The following HACD2 variants were observed in gnomAD, a reference collection of about 807,000 sequenced individuals.
HACD2 encodes the protein 3-hydroxyacyl-CoA dehydratase 2.
Under a neutral mutation model 31.0 loss-of-function variants are expected in HACD2, and 15 were observed. That is an observed-to-expected ratio of 0.48 (90% confidence interval 0.32 to 0.75). The LOEUF is 0.75. Ranked by LOEUF, HACD2 falls within the 30% of genes least tolerant of loss-of-function variation. The probability of loss-of-function intolerance (pLI) is 0.03; values close to 1 mark genes in which losing one functional copy is unlikely to be tolerated. For synonymous variants in HACD2, 115 were observed against 122.2 expected (o/e 0.94, Z 0.39); for missense variants, 283 against 313.0 (o/e 0.90, Z 0.72).
At chr3:123,495,227 C>T (rs1039205953) in intron 6 of HACD2, among the ~76,000 whole-genome samples, 5 of 152,306 alleles carry the variant, frequency 3.3e-5, no homozygotes, top group Admixed American at 1.3e-4. Context: ...TGACCTATAT[C>T]GATGCCACAG....
At chr3:123,583,518 A>C (rs937180163) in intron 1 of HACD2, among the ~76,000 whole-genome samples, 1 of 152,202 alleles carries the variant, frequency 6.6e-6, no homozygotes, top group Non-Finnish European at 1.5e-5. Context: ...AGTCAAGAGA[A>C]ATGATTTCTA....
rs1443991902 is a variant in HACD2, at chr3:123,518,325, ATC to A, written c.381+10059_381+10060del. On this transcript the variant is annotated intron_variant, in intron 4 of 6. Transcript: ENST00000383657. ...TTTGCACTACTGAATCTGTCTGGCA[ATC>A]TCTAGCTGAGCTGCACACTGACTGC... 2.6e-5 allele frequency among the ~76,000 whole-genome samples: 4 copies of A among 152,144 alleles called. No homozygotes were observed. The East Asian group carries it at 5.8e-4, about 22-fold the overall frequency.
At chr3:123,533,554 C>A (rs1226951941) in intron 3 of HACD2, among the ~76,000 whole-genome samples, 1 of 152,210 alleles carries the variant, frequency 6.6e-6, no homozygotes, top group Non-Finnish European at 1.5e-5. Flanking sequence ...ACCAAAACTA[C>A]AGATATTTTT....
intron 4 of HACD2, among the ~76,000 whole-genome samples, chr3:123,512,773 T>C (rs934409822): frequency 6.6e-6 from 1 of 152,186 alleles, no homozygotes; most frequent in African/African-American, 2.4e-5. Context: ...TATGAACCCA[T>C]GATTTATATA....
chr3:123,511,360 C>CACACACAT (rs1176374161), intron 4 of HACD2, among the ~76,000 whole-genome samples: 1 of 152,130 alleles, frequency 6.6e-6, no homozygotes, highest in Non-Finnish European at 1.5e-5. Flanking sequence ...TGTGAACACA[C>CACACACAT]ACACACATAC....
chr3:123,553,375 T>A (rs2056640006), intron 3 of HACD2, among the ~76,000 whole-genome samples: 1 of 152,242 alleles, frequency 6.6e-6, no homozygotes, highest in African/African-American at 2.4e-5. Context: ...AAGGATTTTG[T>A]ATCTAGCAAA....
At chr3:123,573,694 A>G (rs957791111) in intron 2 of HACD2, among the ~76,000 whole-genome samples, 3 of 152,134 alleles carry the variant, frequency 2.0e-5, no homozygotes, top group African/African-American at 7.2e-5. Context: ...TTACTGCTCA[A>G]TGTTCAGAAC....
At chr3:123,560,449 G>T (rs754538437) in intron 3 of HACD2, among the ~76,000 whole-genome samples, 4 of 152,134 alleles carry the variant, frequency 2.6e-5, no homozygotes, top group African/African-American at 4.8e-5. Flanking sequence ...CTCCCCAGGC[G>T]GCTCTCCAGG....
chr3:123,574,975 C>T (rs886890261), intron 2 of HACD2, among the ~76,000 whole-genome samples: 2 of 152,174 alleles, frequency 1.3e-5, no homozygotes, highest in African/African-American at 4.8e-5. Flanking sequence ...TTCATTCTAT[C>T]CTGGTAAAAT....
At position 123,491,859 on chromosome 3, in the gene HACD2, T is replaced by C. The variant is rs2055767362; in HGVS notation, c.*3029A>G. 6.6e-6 allele frequency: 1 copy of C among 152,532 alleles called. No homozygotes were observed. The highest frequency in any genetic ancestry group is 6.5e-5 in the Admixed American group (1 of 15,292). The allele number at this position is 152,532 out of a possible 1,614,324, so 9.4% of individuals were successfully genotyped here. A position where few individuals can be genotyped will look rare whatever the true frequency, so the allele number is the denominator to read the frequency against. ...ACCCAAATTTCAAAGGAGCAGTATGTATTGAATTTAATGTTTTATAATGTT... is the reference window on the plus strand; with the variant it reads ...ACCCAAATTTCAAAGGAGCAGTATGCATTGAATTTAATGTTTTATAATGTT... On this transcript the variant is annotated 3_prime_UTR_variant, in exon 7 of 7. Coordinates refer to ENST00000383657, the MANE Select transcript of HACD2 (RefSeq NM_198402.5).
At chr3:123,575,455 A>G (rs1576243665) in intron 2 of HACD2, among the ~76,000 whole-genome samples, 1 of 152,136 alleles carries the variant, frequency 6.6e-6, no homozygotes, top group Non-Finnish European at 1.5e-5. Context: ...TCTCAGACCC[A>G]CTAGCCACAT....
At chr3:123,496,741 TA>T (rs2055837761) in intron 6 of HACD2, among the ~76,000 whole-genome samples, 2 of 152,218 alleles carry the variant, frequency 1.3e-5, no homozygotes, top group Admixed American at 1.3e-4. Context: ...CCCATTTCTA[TA>T]GATTTACTGT....
intron 4 of HACD2, among the ~76,000 whole-genome samples, chr3:123,526,609 A>G (rs1395780619): frequency 1.3e-5 from 2 of 152,200 alleles, no homozygotes; most frequent in Middle Eastern, 3.4e-3. Flanking sequence ...GTAGAGAAAC[A>G]ATTTTGAATA....
chr3:123,516,227 C>T (rs887621400), intron 4 of HACD2, among the ~76,000 whole-genome samples: 2 of 129,172 alleles, frequency 1.5e-5, no homozygotes, highest in African/African-American at 5.5e-5. Flanking sequence ...GAATAATGTG[C>T]AACATATTTT....
intron 1 of HACD2, among the ~76,000 whole-genome samples, 197 bp from the exon 2 acceptor site, chr3:123,582,526 G>A (rs568367872): frequency 4.3e-4 from 65 of 152,260 alleles, no homozygotes; most frequent in Admixed American, 2.6e-3. Flanking sequence ...ACCTTACCAA[G>A]AGGGCTCAGT....
At chr3:123,532,570 C>T (rs2056375950) in intron 3 of HACD2, among the ~76,000 whole-genome samples, 1 of 152,180 alleles carries the variant, frequency 6.6e-6, no homozygotes, top group African/African-American at 2.4e-5. Flanking sequence ...GTGGCTTACG[C>T]CTGTAATCCC....
rs138385491 is a variant in HACD2 at position 123,581,984 on chromosome 3, C to T, written c.273+228G>A. 7.2e-5 allele frequency among the ~76,000 whole-genome samples: 11 copies of T among 152,192 alleles called. No homozygotes were observed. The East Asian group carries it at 1.9e-3, about 27-fold the overall frequency. On this transcript the variant is annotated intron_variant, in intron 2 of 6. Transcript: ENST00000383657. ...AATATAAGCTTGCTTCAGTTGATTT[C>T]CCAAAAAAGTCGAATATAAAATACA...
At chr3:123,540,816 T>C (rs981470906) in intron 3 of HACD2, among the ~76,000 whole-genome samples, 5 of 152,168 alleles carry the variant, frequency 3.3e-5, no homozygotes, top group African/African-American at 7.2e-5. Flanking sequence ...TAAAAAACAG[T>C]TGAACTATTA....
chr3:123,540,353 A>C (rs2056474957), intron 3 of HACD2, among the ~76,000 whole-genome samples: 1 of 152,180 alleles, frequency 6.6e-6, no homozygotes, highest in Non-Finnish European at 1.5e-5. Flanking sequence ...TAAGGGAATG[A>C]CTTTTTTGAA....
Sources: allele counts gnomAD v4.1 joint callset (sites outside exome capture counted in the v4.1 genomes callset), GRCh38; gene constraint gnomAD v4.1.1; transcripts MANE v1.5; gene names NCBI Gene and HGNC (gene_info 2026-07-23, HGNC 2026-07-21).